The following CUEDC1 variants were observed in gnomAD, a reference collection of about 807,000 sequenced individuals.
CUEDC1 encodes the protein CUE domain containing 1, also known as CUE domain-containing protein 1.
In CUEDC1, 30 loss-of-function variants were observed where a neutral mutation model predicts 43.7. That is an observed-to-expected ratio of 0.69 (90% confidence interval 0.51 to 0.93). The LOEUF is 0.93. Among genes scored for constraint, CUEDC1 ranks in the 40% least tolerant of loss-of-function variants. The pLI is 0.00. For synonymous variants in CUEDC1, 223 were observed against 223.6 expected (o/e 1.00, Z 0.02); for missense variants, 486 against 549.0 (o/e 0.89, Z 1.15).
chr17:57,902,681 C>T (rs1460474811), intron 1 of CUEDC1, among the ~76,000 whole-genome samples: 1 of 152,264 alleles, frequency 6.6e-6, no homozygotes, highest in Non-Finnish European at 1.5e-5. Context: ...TGACTGTCCA[C>T]AATGATTGTG....
At position 57,886,849 on chromosome 17, in the gene CUEDC1, C is replaced by T. The variant is rs373859339; in HGVS notation, c.-315-970G>A. ...TTTTTTTTTTTTTGAGACGGAGTCT[C>T]GCTCTGTCACCCAGGCTGGAGTGCA... On this transcript the variant is annotated intron_variant, in intron 1 of 10. Transcript: ENST00000577830. 9.1e-4 allele frequency among the ~76,000 whole-genome samples: 121 copies of T among 133,344 alleles called. 3 individuals carry two copies. In the South Asian group the frequency reaches 0.028, roughly 31 times the overall value. 87.5% of individuals were successfully genotyped at this position (133,344 alleles called of 152,430 possible).
At chr17:57,863,746 C>T (rs1028780954) in intron 10 of CUEDC1, among the ~76,000 whole-genome samples, 1 of 152,142 alleles carries the variant, frequency 6.6e-6, no homozygotes, top group African/African-American at 2.4e-5. Flanking sequence ...CAGTGGCTCA[C>T]GCCTGTAATC....
intron 1 of CUEDC1, among the ~76,000 whole-genome samples, chr17:57,895,503 C>T (rs373256890): frequency 6.6e-6 from 1 of 152,232 alleles, no homozygotes; most frequent in South Asian, 2.1e-4. Context: ...CCTCACAAAA[C>T]CTTTTTCCCA....
At chr17:57,884,484 C>T (rs959884242) in intron 2 of CUEDC1, among the ~76,000 whole-genome samples, 3 of 151,816 alleles carry the variant, frequency 2.0e-5, no homozygotes, top group Non-Finnish European at 4.4e-5. Context: ...GCATGAGCCA[C>T]CTCGCCCGGC....
intron 6 of CUEDC1, among the ~76,000 whole-genome samples, chr17:57,870,680 T>C (rs1277384683): frequency 1.7e-5 from 1 of 60,158 alleles, no homozygotes; most frequent in East Asian, 2.1e-4. Context: ...CCTTTTCTTC[T>C]TTTTTTTTTT....
chr17:57,889,040 G>A (rs921378018), intron 1 of CUEDC1, among the ~76,000 whole-genome samples: 3 of 152,160 alleles, frequency 2.0e-5, no homozygotes, highest in Admixed American at 6.5e-5. Flanking sequence ...CAGAAGCCTT[G>A]CACTCTTGCC....
chr17:57,881,627 A>C (rs2074205378), intron 2 of CUEDC1, among the ~76,000 whole-genome samples: 1 of 152,076 alleles, frequency 6.6e-6, no homozygotes. Context: ...GGCTATTCCC[A>C]CTGATATGGG....
intron 1 of CUEDC1, among the ~76,000 whole-genome samples, chr17:57,940,873 C>G (rs1264396776): frequency 1.3e-5 from 2 of 152,204 alleles, no homozygotes. Context: ...AGAAACAGTT[C>G]TACAGGTGCA....
intron 1 of CUEDC1, among the ~76,000 whole-genome samples, chr17:57,917,805 G>A (rs185631542): frequency 6.4e-4 from 97 of 152,342 alleles, no homozygotes; most frequent in Non-Finnish European, 2.2e-4. Flanking sequence ...GAGAATGCAG[G>A]TGACGTGCAC....
At chr17:57,866,575 C>T in intron 9 of CUEDC1, 31 bp from the exon 10 acceptor site, 1 of 1,613,078 alleles carries the variant, frequency 6.2e-7, no homozygotes. Flanking sequence ...GCCTCATCCT[C>T]TACCCTGCAG....
chr17:57,874,857 G>A (rs1381577955), intron 3 of CUEDC1, among the ~76,000 whole-genome samples: 2 of 152,122 alleles, frequency 1.3e-5, no homozygotes, highest in East Asian at 1.9e-4. Flanking sequence ...GCGGGTGGCC[G>A]GCGGCGGGGG....
chr17:57,879,664 G>A lies in CUEDC1; in HGVS notation c.411C>T (p.His137=). The change falls in exon 3 of 11, where the codon CAC becomes CAT. Residue 137 remains histidine (H), a synonymous_variant. Coordinates refer to ENST00000577830, the MANE Select transcript of CUEDC1 (RefSeq NM_001271875.2). ...GGTAGGGCCGGTCGAACACGTGCAT[G>A]TGGTAGGCTGGCGGGGAGTACACAG... The part of the protein sequence containing the change: ...PPPVYSPPAY[H]MHVFDRPYPL... 1.2e-6 allele frequency: 2 copies of A among 1,603,678 alleles called. No homozygotes were observed. The highest frequency in any genetic ancestry group is 1.1e-5 in the South Asian group (1 of 89,316).
chr17:57,951,363 A>G (rs1458635563), intron 1 of CUEDC1, among the ~76,000 whole-genome samples: 1 of 152,180 alleles, frequency 6.6e-6, no homozygotes, highest in Middle Eastern at 3.2e-3. Context: ...GAGATGCCTA[A>G]CTTCAGATCT....
intron 1 of CUEDC1, among the ~76,000 whole-genome samples, chr17:57,945,004 C>T (rs1053946198): frequency 7.9e-5 from 12 of 152,140 alleles, no homozygotes; most frequent in Non-Finnish European, 1.5e-4. Context: ...ATGTTTCAGA[C>T]AAAAACGGCT....
chr17:57,903,939 A>AG (rs948237049), intron 1 of CUEDC1, among the ~76,000 whole-genome samples: 3 of 148,538 alleles, frequency 2.0e-5, no homozygotes, highest in Admixed American at 1.3e-4. Flanking sequence ...CCGTGTTTCA[A>AG]AAAAAAAAAA....
chr17:57,862,398 G>C lies in CUEDC1; in HGVS notation c.*891C>G, dbSNP rs2073893219. On this transcript the variant is annotated 3_prime_UTR_variant, in exon 11 of 11. Coordinates refer to ENST00000577830, the MANE Select transcript of CUEDC1 (RefSeq NM_001271875.2). ...CAGGACCCACCGCTGCCCACCCTCG[G>C]ACAGCAGGGCTTCCAGTCCAGCTGG... is the stretch of plus-strand genomic sequence containing the variant. 1 of 152,454 alleles carries C rather than the reference G, an allele frequency of 6.6e-6. No individual in the cohort carries two copies. Among genetic ancestry groups the C allele is most frequent in the African/African-American group, 2.4e-5 (1 of 41,462 alleles). The allele number at this position is 152,454 out of a possible 1,614,324, so 9.4% of individuals were successfully genotyped here.
At position 57,871,931 on chromosome 17, in the gene CUEDC1, T is replaced by C. The variant is rs1431999687; in HGVS notation, c.785-562A>G. Among the ~76,000 whole-genome samples the C allele has an allele frequency of 2.6e-5, 4 of 152,152 alleles. No individual in the cohort carries two copies. The East Asian group carries it at 7.7e-4, about 29-fold the overall frequency. ...AAGAGCGAGACTATGTCTCAAAAAA[T>C]AAAAAATAAACGGAAAAGCCTTGAG... On this transcript the variant is annotated intron_variant, in intron 5 of 10. Transcript: ENST00000577830.
chr17:57,899,099 A>G (rs2074443535), intron 1 of CUEDC1, among the ~76,000 whole-genome samples: 1 of 152,196 alleles, frequency 6.6e-6, no homozygotes, highest in African/African-American at 2.4e-5. Flanking sequence ...TGGCTGGCCC[A>G]GGGCTGAGCT....
At chr17:57,880,903 C>T (rs552428503) in intron 2 of CUEDC1, among the ~76,000 whole-genome samples, 1 of 152,322 alleles carries the variant, frequency 6.6e-6, no homozygotes, top group East Asian at 1.9e-4. Flanking sequence ...CCTACACCTT[C>T]GCCTCCCGCT....
Sources: gnomAD v4.1 joint callset for allele counts (sites outside exome capture counted in the v4.1 genomes callset) on GRCh38, gnomAD v4.1.1 for gene constraint, MANE v1.5 for transcripts, NCBI Gene and HGNC (gene_info 2026-07-23, HGNC 2026-07-21) for gene names.